Variants in TMED3 observed in about 807,000 individuals in gnomAD.
The protein encoded by TMED3 is transmembrane p24 trafficking protein 3.
Under a neutral mutation model 15.0 loss-of-function variants are expected in TMED3, and 9 were observed. The ratio of observed to expected loss-of-function variants is 0.60; its 90% confidence interval spans 0.36 to 1.04. The LOEUF (loss-of-function observed/expected upper bound fraction) is 1.04. Ranked by LOEUF, TMED3 falls within the 50% of genes least tolerant of loss-of-function variation. The probability of loss-of-function intolerance (pLI) is 0.01; values close to 1 mark genes in which losing one functional copy is unlikely to be tolerated. For synonymous variants in TMED3, 117 were observed against 121.4 expected (o/e 0.96, Z 0.24); for missense variants, 267 against 278.9 (o/e 0.96, Z 0.30).
downstream of TMED3, among the ~76,000 whole-genome samples, chr15:79,323,276 A>G (rs1336532848): frequency 1.3e-5 from 2 of 152,184 alleles, no homozygotes. Flanking sequence ...GTCTGGAGGG[A>G]AGATACAGTG....
intron 2 of TMED3, among the ~76,000 whole-genome samples, chr15:79,316,332 G>A (rs528230202): frequency 8.5e-5 from 13 of 152,322 alleles, no homozygotes; most frequent in Non-Finnish European, 1.2e-4. Context: ...AGCCAAGCTC[G>A]AGGGGCTTCC....
At chr15:79,392,732 T>C (rs984483571) in intron 2 of TMED3, among the ~76,000 whole-genome samples, 1 of 152,232 alleles carries the variant, frequency 6.6e-6, no homozygotes, top group Admixed American at 6.5e-5. Context: ...GACTTCATAT[T>C]TGAAAAATTA....
intron 2 of TMED3, among the ~76,000 whole-genome samples, chr15:79,404,702 AGTTTAT>A (rs1893879445): frequency 6.6e-6 from 1 of 152,098 alleles, no homozygotes; most frequent in South Asian, 2.1e-4. Flanking sequence ...GCTACCCAGA[AGTTTAT>A]GTGTGGTTTT....
At chr15:79,361,715 TAA>T (rs200378016) in intron 2 of TMED3, among the ~76,000 whole-genome samples, 8 of 7,642 alleles carry the variant, frequency 1.0e-3, no homozygotes, top group African/African-American at 1.1e-3. Flanking sequence ...ATAAAAAAAT[TAA>T]AAAAAAAAAA....
intron 2 of TMED3, among the ~76,000 whole-genome samples, chr15:79,321,393 T>TTA (rs888675578): frequency 5.9e-5 from 9 of 152,236 alleles, no homozygotes; most frequent in Non-Finnish European, 7.3e-5. Context: ...TAGTGCCTGT[T>TTA]TATATATATG....
intron 2 of TMED3, among the ~76,000 whole-genome samples, chr15:79,362,235 G>A (rs1433610275): frequency 2.0e-5 from 3 of 151,816 alleles, no homozygotes; most frequent in Admixed American, 6.6e-5. Context: ...GGAGGCCAAG[G>A]AGGGAGGATT....
At chr15:79,343,704 A>G (rs1041882304) in intron 2 of TMED3, among the ~76,000 whole-genome samples, 4 of 152,150 alleles carry the variant, frequency 2.6e-5, no homozygotes, top group African/African-American at 9.7e-5. Context: ...GATTCAACCA[A>G]CTGGAGAGGT....
downstream of TMED3, among the ~76,000 whole-genome samples, chr15:79,325,597 A>ACACGATCACAAGGTGAAGTCC (rs1235867596): frequency 1.3e-5 from 2 of 152,230 alleles, no homozygotes; most frequent in African/African-American, 4.8e-5. Context: ...GAATTGACTC[A>ACACGATCACAAGGTGAAGTCC]CACGATCACA....
chr15:79,352,618 T>A (rs1443548444), intron 2 of TMED3, among the ~76,000 whole-genome samples: 1 of 150,598 alleles, frequency 6.6e-6, no homozygotes, highest in East Asian at 1.9e-4. Context: ...TATCTTTCTT[T>A]GTGACTAAGA....
chr15:79,404,960 C>T (rs1421208109), intron 2 of TMED3, among the ~76,000 whole-genome samples: 3 of 152,178 alleles, frequency 2.0e-5, no homozygotes, highest in East Asian at 1.9e-4. Flanking sequence ...CCATAGGCCA[C>T]GGGTATAAGT....
intron 2 of TMED3, among the ~76,000 whole-genome samples, chr15:79,391,550 T>C (rs1389801312): frequency 2.0e-5 from 3 of 152,160 alleles, no homozygotes; most frequent in African/African-American, 4.8e-5. Flanking sequence ...ATTCTGTGAT[T>C]GTTGGATGAA....
At chr15:79,412,924 G>T (rs897550186) in exon 3 of TMED3, 1 of 152,212 alleles carries the variant, frequency 6.6e-6, no homozygotes, top group South Asian at 2.1e-4. Context: ...ATCCCCTAGG[G>T]TTAGGGTATG....
intron 2 of TMED3, among the ~76,000 whole-genome samples, chr15:79,320,062 A>T (rs1385716325): frequency 1.3e-5 from 2 of 152,062 alleles, no homozygotes; most frequent in African/African-American, 4.8e-5. Context: ...GGGAAAAGGG[A>T]GTCCCCCTTT....
intron 2 of TMED3, chr15:79,383,999 C>G (rs1474604888): frequency 2.6e-5 from 4 of 152,190 alleles, no homozygotes; most frequent in Admixed American, 2.6e-4. Flanking sequence ...ATCGGAGAAA[C>G]CTACCTCCCA....
At chr15:79,408,641 C>T (rs776578159) in intron 2 of TMED3, among the ~76,000 whole-genome samples, 2 of 152,006 alleles carry the variant, frequency 1.3e-5, no homozygotes, top group Non-Finnish European at 2.9e-5. Flanking sequence ...AGAGAATGGC[C>T]CCTGGAAGCC....
At position 79,388,659 on chromosome 15, in the gene TMED3, A is replaced by G. The variant is rs542983300; in HGVS notation, c.418-22741A>G. On this transcript the variant is annotated intron_variant, in intron 2 of 2. Coordinates refer to the TMED3 transcript ENST00000424155. Reference sequence around the variant, plus strand: ...TCAAATGTAATTCTAGTTTTAGTTCATGAAGTAATCTTCACTCTGTTTTCT... The same window carrying G: ...TCAAATGTAATTCTAGTTTTAGTTCGTGAAGTAATCTTCACTCTGTTTTCT... 2.0e-5 allele frequency among the ~76,000 whole-genome samples: 3 copies of G among 152,222 alleles called. No individual in the cohort carries two copies. In the East Asian group the frequency reaches 5.8e-4, roughly 29 times the overall value.
intron 2 of TMED3, among the ~76,000 whole-genome samples, chr15:79,353,642 CA>C (rs2058907165): frequency 6.8e-6 from 1 of 146,868 alleles, no homozygotes; most frequent in Non-Finnish European, 1.5e-5. Flanking sequence ...AGATAATCAT[CA>C]AAATATCACC....
At chr15:79,338,071 C>T (rs1245559292) in intron 2 of TMED3, among the ~76,000 whole-genome samples, 1 of 152,120 alleles carries the variant, frequency 6.6e-6, no homozygotes, top group Admixed American at 6.5e-5. Context: ...ACTTATATAT[C>T]AGTAAAAACA....
chr15:79,391,692 C>CG (rs1595909382), intron 2 of TMED3, among the ~76,000 whole-genome samples: 1 of 151,414 alleles, frequency 6.6e-6, no homozygotes, highest in East Asian at 1.9e-4. Flanking sequence ...TTGAAGCCCC[C>CG]ACTATTATTG....
Sources: gnomAD v4.1 joint callset for allele counts (sites outside exome capture counted in the v4.1 genomes callset) on GRCh38, gnomAD v4.1.1 for gene constraint, MANE v1.5 for transcripts, NCBI Gene and HGNC (gene_info 2026-07-23, HGNC 2026-07-21) for gene names.